BRINP2: variants seen among roughly 807,000 people sequenced by gnomAD.
BRINP2 encodes the protein BMP/retinoic acid-inducible neural-specific protein 2.
In BRINP2, 21 loss-of-function variants were observed where a neutral mutation model predicts 69.2. The observed-to-expected ratio is 0.30, with a 90% CI of 0.22 to 0.44. The LOEUF is 0.44. Among genes scored for constraint, BRINP2 ranks in the 20% least tolerant of loss-of-function variants. The pLI is 1.00. For synonymous variants in BRINP2, 380 were observed against 394.1 expected (o/e 0.96, Z 0.42); for missense variants, 877 against 986.0 (o/e 0.89, Z 1.48).
At chr1:177,256,647 G>T in intron 3 of BRINP2, 1 of 1,034,060 alleles carries the variant, frequency 9.7e-7, no homozygotes, top group Admixed American at 5.0e-5. Context: ...CTCTGAAGAT[G>T]CAGAGCTCCC....
Position 177,278,700 on chromosome 1 carries a change from A to G in BRINP2, c.1150A>G (p.Lys384Glu). ...GGGAGCTGGCTTGAAAGTGCTGTTC[A>G]AAAAGACCCATCGGATCCTACGCCG... is the stretch of plus-strand genomic sequence containing the variant. ...QLGAGLKVLFKKTHRILRRLF... is the reference protein window; with the variant it reads ...QLGAGLKVLFEKTHRILRRLF... Residue 384 changes from lysine (K) to glutamate (E), a missense_variant, in exon 7 of 8, where the codon AAA becomes GAA. This residue lies in a region of BRINP2 where 566 missense variants were observed against 625.2 expected (regional missense o/e 0.91). Coordinates refer to ENST00000361539, the MANE Select transcript of BRINP2 (RefSeq NM_021165.4). The G allele has an allele frequency of 6.2e-7, 1 of 1,614,210 alleles. No individual in the cohort carries two copies. Among genetic ancestry groups the G allele is most frequent in the East Asian group, 2.2e-5 (1 of 44,868 alleles).
chr1:177,226,012 C>T (rs1649679786), intron 1 of BRINP2, among the ~76,000 whole-genome samples: 1 of 152,246 alleles, frequency 6.6e-6, no homozygotes, highest in East Asian at 1.9e-4. Context: ...CAGGCAGGTT[C>T]TAGCACATTG....
Position 177,280,752 on chromosome 1 carries a change from G to T in BRINP2, c.1576G>T (p.Glu526Ter). 6.2e-7 allele frequency: 1 copy of T among 1,614,210 alleles called. No individual in the cohort carries two copies. The highest frequency in any genetic ancestry group is 8.5e-7 in the Non-Finnish European group (1 of 1,180,030). Residue 526 changes from glutamate to a stop codon, truncating the protein, a stop_gained, in exon 8 of 8, where the codon GAG becomes TAG. Coordinates refer to ENST00000361539, the MANE Select transcript of BRINP2 (RefSeq NM_021165.4). LOFTEE classifies it high-confidence loss of function. ...GCTGCAGAAGCAGGATAGCCGCATTGAGGTACACTCCATCTTCATCAGCAA... is the reference window on the plus strand; with the variant it reads ...GCTGCAGAAGCAGGATAGCCGCATTTAGGTACACTCCATCTTCATCAGCAA... ...YLLQKQDSRIEVHSIFISNDM... is the reference protein window; with the variant it reads ...YLLQKQDSRI
intron 2 of BRINP2, among the ~76,000 whole-genome samples, chr1:177,240,453 A>G (rs543778089): frequency 2.6e-4 from 40 of 152,206 alleles, no homozygotes; most frequent in Non-Finnish European, 4.6e-4. Context: ...CAATTATTAT[A>G]TGTTGATTAA....
At chr1:177,266,686 C>T (rs758452917) in intron 4 of BRINP2, among the ~76,000 whole-genome samples, 21 of 137,790 alleles carry the variant, frequency 1.5e-4, no homozygotes, top group Non-Finnish European at 2.9e-4. Context: ...CATGAACTGG[C>T]GAGGTGGAGC....
intron 1 of BRINP2, among the ~76,000 whole-genome samples, chr1:177,200,249 G>T (rs371545442): frequency 8.2e-6 from 1 of 121,346 alleles, no homozygotes; most frequent in Non-Finnish European, 1.6e-5. Context: ...CTGAGATTGC[G>T]CCCTTGCTCT....
chr1:177,248,451 G>T (rs569037140), intron 2 of BRINP2, among the ~76,000 whole-genome samples: 3 of 151,182 alleles, frequency 2.0e-5, no homozygotes, highest in African/African-American at 7.3e-5. Context: ...GTGTGTGTGT[G>T]TGTGCGTGCG....
intron 2 of BRINP2, among the ~76,000 whole-genome samples, chr1:177,246,644 G>T (rs1156688195): frequency 6.6e-6 from 1 of 152,246 alleles, no homozygotes; most frequent in Non-Finnish European, 1.5e-5. Flanking sequence ...GAGGGCCAAA[G>T]AATAGAGAAG....
intron 1 of BRINP2, among the ~76,000 whole-genome samples, chr1:177,179,438 G>A (rs982696961): frequency 6.6e-6 from 1 of 152,102 alleles, no homozygotes; most frequent in Non-Finnish European, 1.5e-5. Context: ...TGGCCTTGGG[G>A]TACAGCAAAT....
intron 4 of BRINP2, among the ~76,000 whole-genome samples, chr1:177,266,124 T>A (rs111568460): frequency 0.022 from 3,295 of 149,266 alleles, 107 homozygotes; most frequent in African/African-American, 0.078. Flanking sequence ...CATCTCAAAA[T>A]AATAATAATA....
chr1:177,253,946 T>G (rs934625838), intron 2 of BRINP2, among the ~76,000 whole-genome samples: 1 of 152,118 alleles, frequency 6.6e-6, no homozygotes, highest in Admixed American at 6.5e-5. Context: ...TTGGGATGGG[T>G]GAAGAGGGTG....
At chr1:177,231,152 A>G (rs1571918012) in intron 2 of BRINP2, among the ~76,000 whole-genome samples, 1 of 152,160 alleles carries the variant, frequency 6.6e-6, no homozygotes, top group Non-Finnish European at 1.5e-5. Flanking sequence ...TGTTAGATTT[A>G]TCAACTTGCA....
At position 177,263,272 on chromosome 1, in the gene BRINP2, C is replaced by A. The variant is rs529492724; in HGVS notation, c.669+5888C>A. Among the ~76,000 whole-genome samples the A allele has an allele frequency of 7.2e-5, 11 of 152,266 alleles. No individual in the cohort carries two copies. The South Asian group carries it at 2.3e-3, about 32-fold the overall frequency. Reference sequence around the variant, plus strand: ...TAGAAGGAATACTATGCCCTGGAACCTAATTTTATTAGTAACTGCATTCCC... The same window carrying A: ...TAGAAGGAATACTATGCCCTGGAACATAATTTTATTAGTAACTGCATTCCC... On this transcript the variant is annotated intron_variant, in intron 4 of 7. Coordinates refer to ENST00000361539, the MANE Select transcript of BRINP2 (RefSeq NM_021165.4).
rs778893272 is a variant in BRINP2, at chr1:177,171,399, G to C, written c.-410G>C. On this transcript the variant is annotated 5_prime_UTR_variant, in exon 1 of 8. Transcript: ENST00000361539. ...CGAAGCCCCACTTCAAAGATGCTCTGGGAGACCGGGATCCTGGCTGCTCAG... is the reference window on the plus strand; with the variant it reads ...CGAAGCCCCACTTCAAAGATGCTCTCGGAGACCGGGATCCTGGCTGCTCAG... 6.5e-6 allele frequency: 1 copy of C among 154,822 alleles called. No homozygotes were observed. Among genetic ancestry groups the C allele is most frequent in the Non-Finnish European group, 1.4e-5 (1 of 69,442 alleles). 9.6% of individuals were successfully genotyped at this position (154,822 alleles called of 1,614,324 possible). A position where few individuals can be genotyped will look rare whatever the true frequency, so the allele number is the denominator to read the frequency against.
At chr1:177,175,988 T>G (rs1648076726) in intron 1 of BRINP2, among the ~76,000 whole-genome samples, 1 of 152,206 alleles carries the variant, frequency 6.6e-6, no homozygotes, top group African/African-American at 2.4e-5. Flanking sequence ...CGAGTTATGC[T>G]TCAAACTGGG....
chr1:177,281,651 A>G lies in BRINP2; in HGVS notation c.*123A>G. The G allele has an allele frequency of 7.5e-7, 1 of 1,331,904 alleles. No individual in the cohort carries two copies. Among genetic ancestry groups the G allele is most frequent in the South Asian group, 1.4e-5 (1 of 69,728 alleles). The allele number at this position is 1,331,904 out of a possible 1,614,324, so 82.5% of individuals were successfully genotyped here. ...CCACGAGACTTTCAGCATCCAGTAG[A>G]TGGGACCTCGAGGCTCGAGCTGAAG... On this transcript the variant is annotated 3_prime_UTR_variant, in exon 8 of 8. Transcript: ENST00000361539.
chr1:177,273,662 T>C, intron 5 of BRINP2, 69 bp downstream of exon 5: 1 of 992,626 alleles, frequency 1.0e-6, no homozygotes, highest in Non-Finnish European at 1.4e-6. Context: ...CTAGATCAAA[T>C]AGCGGGAAAA....
chr1:177,194,686 T>C (rs770590920), intron 1 of BRINP2, among the ~76,000 whole-genome samples: 2 of 152,174 alleles, frequency 1.3e-5, no homozygotes, highest in Non-Finnish European at 2.9e-5. Context: ...AAGATTTAAC[T>C]CTCTTTCCGT....
At chr1:177,188,743 T>C (rs965657696) in intron 1 of BRINP2, among the ~76,000 whole-genome samples, 1 of 152,236 alleles carries the variant, frequency 6.6e-6, no homozygotes, top group African/African-American at 2.4e-5. Flanking sequence ...GAACATGTAT[T>C]ACACTTGACA....
Sources: allele counts gnomAD v4.1 joint callset (sites outside exome capture counted in the v4.1 genomes callset), GRCh38; gene constraint gnomAD v4.1.1; regional missense constraint gnomAD v4.1.1; transcripts MANE v1.5; gene names NCBI Gene and HGNC (gene_info 2026-07-23, HGNC 2026-07-21).